Variants in NEK1 observed in about 807,000 individuals in gnomAD.
The protein encoded by NEK1 is NIMA related kinase 1.
A neutral mutation model predicts 182.1 loss-of-function variants in NEK1; 137 were observed. The ratio of observed to expected loss-of-function variants is 0.75; its 90% CI spans 0.65 to 0.87. NEK1 has a LOEUF of 0.87. NEK1 is among the 40% of genes least tolerant of loss of function. The pLI is 0.00. For synonymous variants in NEK1, 513 were observed against 492.2 expected, an observed-to-expected ratio of 1.04 and a Z score of -0.56; for missense variants, 1,391 against 1,494.4, an observed-to-expected ratio of 0.93 and a Z score of 1.14.
intron 18 of NEK1, among the ~76,000 whole-genome samples, chr4:169,549,505 C>T (rs1434007597): frequency 6.6e-6 from 1 of 152,184 alleles, no homozygotes; most frequent in Admixed American, 6.5e-5. Context: ...TCACTGCAAC[C>T]TCTGCCTCCT....
At chr4:169,515,524 T>TA (rs1755055640) in intron 19 of NEK1, among the ~76,000 whole-genome samples, 2 of 149,956 alleles carry the variant, frequency 1.3e-5, no homozygotes, top group Admixed American at 1.3e-4. Context: ...TATTATACTC[T>TA]AAGTTTTAGG....
chr4:169,493,824 C>T (rs1481772885), intron 23 of NEK1, among the ~76,000 whole-genome samples: 1 of 152,112 alleles, frequency 6.6e-6, no homozygotes, highest in African/African-American at 2.4e-5. Flanking sequence ...TACTGGCATT[C>T]CTGAGAGAGA....
chr4:169,609,076 A>AAG (rs1553961314), intron 2 of NEK1, among the ~76,000 whole-genome samples: 1 of 151,812 alleles, frequency 6.6e-6, no homozygotes, highest in African/African-American at 2.4e-5. Flanking sequence ...AAAAAAAAAA[A>AAG]AAGAAGAAGA....
intron 26 of NEK1, among the ~76,000 whole-genome samples, chr4:169,474,617 C>T (rs72973067): frequency 0.097 from 14,789 of 152,182 alleles, 802 homozygotes; most frequent in East Asian, 0.17. Context: ...ATTTTTTAGC[C>T]TTGAATATGT....
intron 26 of NEK1, among the ~76,000 whole-genome samples, chr4:169,473,767 G>T (rs1447386359): frequency 6.6e-6 from 1 of 152,044 alleles, no homozygotes; most frequent in East Asian, 1.9e-4. Flanking sequence ...ATTAATAGAG[G>T]GGAGAAAAGT....
intron 18 of NEK1, among the ~76,000 whole-genome samples, chr4:169,539,962 A>G (rs1413265970): frequency 6.6e-6 from 1 of 152,162 alleles, no homozygotes; most frequent in Non-Finnish European, 1.5e-5. Context: ...AAAATTGTTT[A>G]CTAAGAACCT....
chr4:169,412,246 C>T (rs577540008), intron 31 of NEK1, among the ~76,000 whole-genome samples: 18 of 152,230 alleles, frequency 1.2e-4, no homozygotes, highest in African/African-American at 4.3e-4. Context: ...GTGAGGACAA[C>T]CAAACAGGCT....
intron 23 of NEK1, among the ~76,000 whole-genome samples, chr4:169,504,766 G>C (rs764653343): frequency 6.6e-6 from 1 of 152,088 alleles, no homozygotes; most frequent in Non-Finnish European, 1.5e-5. Context: ...AATGGTTAAT[G>C]GGTACAAAAA....
At chr4:169,590,681 C>T in intron 6 of NEK1, 45 bp downstream of exon 6, 1 of 1,401,176 alleles carries the variant, frequency 7.1e-7, no homozygotes, top group Non-Finnish European at 9.8e-7. Flanking sequence ...ATGAAGGTTC[C>T]ATGTCTTTAT....
intron 12 of NEK1, among the ~76,000 whole-genome samples, chr4:169,565,086 ATTC>A (rs1763471911): frequency 6.6e-6 from 1 of 152,204 alleles, no homozygotes; most frequent in Non-Finnish European, 1.5e-5. Flanking sequence ...AGTTATTTCA[ATTC>A]AACTCTTACT....
chr4:169,543,741 T>A (rs1252311335), intron 18 of NEK1, among the ~76,000 whole-genome samples: 1 of 152,220 alleles, frequency 6.6e-6, no homozygotes, highest in Non-Finnish European at 1.5e-5. Flanking sequence ...TTATTCTCTT[T>A]GTAGCAATTG....
At chr4:169,446,238 A>C (rs146912886) in intron 27 of NEK1, among the ~76,000 whole-genome samples, 22 of 152,260 alleles carry the variant, frequency 1.4e-4, no homozygotes, top group African/African-American at 4.1e-4. Flanking sequence ...AAAAATCAAC[A>C]AAAGTTGGCG....
intron 19 of NEK1, among the ~76,000 whole-genome samples, chr4:169,528,085 C>T (rs1757152770): frequency 6.6e-6 from 1 of 152,108 alleles, no homozygotes; most frequent in East Asian, 1.9e-4. Flanking sequence ...ATATGCCTTA[C>T]TGACTATAAG....
Position 169,393,232 on chromosome 4 carries a change from T to C in NEK1, c.*1278A>G, listed in dbSNP as rs1201282646. 4 of 152,032 alleles carry C rather than the reference T, an allele frequency of 2.6e-5. No individual in the cohort carries two copies. Among genetic ancestry groups the C allele is most frequent in the African/African-American group, 9.7e-5 (4 of 41,386 alleles). 9.4% of individuals were successfully genotyped at this position (152,032 alleles called of 1,614,324 possible). A position where few individuals can be genotyped will look rare whatever the true frequency, so the allele number is the denominator to read the frequency against. ...ATCAGCTTGATGTAAAAGCCTTCTA[T>C]TGAGAAAAGTAAAATAATAAATAAA... On this transcript the variant is annotated 3_prime_UTR_variant, in exon 36 of 36. Transcript: ENST00000507142.
intron 18 of NEK1, among the ~76,000 whole-genome samples, chr4:169,542,585 C>A (rs1285164610): frequency 6.6e-6 from 1 of 152,212 alleles, no homozygotes; most frequent in Non-Finnish European, 1.5e-5. Context: ...ACACTGTCTT[C>A]CACAATGGTT....
chr4:169,483,334 C>A (rs1748441794), intron 23 of NEK1, among the ~76,000 whole-genome samples: 1 of 151,848 alleles, frequency 6.6e-6, no homozygotes, highest in South Asian at 2.1e-4. Context: ...TGAAATATGG[C>A]AAGAATTACA....
chr4:169,485,568 G>A (rs1342202505), intron 23 of NEK1, among the ~76,000 whole-genome samples: 5 of 152,038 alleles, frequency 3.3e-5, no homozygotes, highest in Non-Finnish European at 1.5e-5. Flanking sequence ...ACGGAAAGTT[G>A]AGCAAATATG....
intron 23 of NEK1, among the ~76,000 whole-genome samples, chr4:169,488,553 C>G (rs1338465608): frequency 1.3e-5 from 2 of 152,058 alleles, no homozygotes; most frequent in African/African-American, 4.8e-5. Context: ...TGTACCAGTA[C>G]CATGCTGGTT....
intron 27 of NEK1, among the ~76,000 whole-genome samples, chr4:169,444,350 T>A (rs1740088990): frequency 6.6e-6 from 1 of 151,270 alleles, no homozygotes; most frequent in African/African-American, 2.4e-5. Context: ...TAAAAAAAAA[T>A]GACCAAACTA....
Sources: gnomAD v4.1 joint callset for allele counts (sites outside exome capture counted in the v4.1 genomes callset) on GRCh38, gnomAD v4.1.1 for gene constraint, MANE v1.5 for transcripts, NCBI Gene and HGNC (gene_info 2026-07-23, HGNC 2026-07-21) for gene names.